Variants in CCDC159 observed in about 807,000 individuals in gnomAD.
CCDC159 encodes the protein coiled-coil domain-containing protein 159.
CCDC159 carries 40 observed loss-of-function variants against 50.9 expected under a neutral mutation model. The observed-to-expected ratio is 0.79, with a 90% confidence interval of 0.61 to 1.02. The LOEUF (loss-of-function observed/expected upper bound fraction) is 1.02, where lower values mean the gene tolerates loss of function less well. Among genes scored for constraint, CCDC159 ranks in the 50% least tolerant of loss-of-function variants. CCDC159 has a pLI of 0.00. For missense variants in CCDC159, 356 were observed against 371.5 expected (o/e 0.96, Z 0.34); for synonymous variants, 146 against 138.9 (o/e 1.05, Z -0.36).
intron 7 of CCDC159, chr19:11,352,607 TA>T (rs560594539): frequency 2.4e-3 from 328 of 136,496 alleles, no homozygotes; most frequent in Middle Eastern, 8.3e-3. Flanking sequence ...ACTCCCATCT[TA>T]AAAAAAAAAA....
chr19:11,347,092 T>C (rs1293212950), intron 1 of CCDC159, among the ~76,000 whole-genome samples: 1 of 151,736 alleles, frequency 6.6e-6, no homozygotes, highest in Non-Finnish European at 1.5e-5. Context: ...GCTGGAGAGT[T>C]TCCCTGCTTA....
Position 11,353,799 on chromosome 19 carries a change from G to A in CCDC159, c.697G>A (p.Val233Met). Reference protein sequence around the residue: ...QKELSDIWSAVHVLQNSIDSL... With the variant: ...QKELSDIWSAMHVLQNSIDSL... ...CTCCTTGTCTTCTTGCAGGTCTGCT[G>A]TGCACGTGCTGCAGAACTCCATAGA... Residue 233 changes from valine to methionine, a missense_variant, in exon 9 of 11, where the codon GTG (valine) becomes ATG (methionine). Coordinates refer to ENST00000458408, the MANE Select transcript of CCDC159 (RefSeq NM_001080503.3). 3.1e-6 allele frequency: 5 copies of A among 1,596,580 alleles called. No homozygotes were observed. The highest frequency in any genetic ancestry group is 2.7e-5 in the African/African-American group (2 of 74,656).
At chr19:11,351,639 A>C in intron 5 of CCDC159, 4 of 330,530 alleles carry the variant, frequency 1.2e-5, no homozygotes, top group Admixed American at 4.5e-5. Context: ...GACTGGGGGT[A>C]TAGAAAGTCG....
At chr19:11,348,974 T>C (rs755106927) in intron 1 of CCDC159, 1 of 1,342,154 alleles carries the variant, frequency 7.5e-7, no homozygotes, top group African/African-American at 1.5e-5. Context: ...AGGCTCTTCC[T>C]CGGACAAGGC....
In CCDC159 at chr19:11,350,690, TCAGCTGGGCCAGGCCAGG is replaced by T. The variant is rs1160384633; in HGVS notation, c.227-117_227-100del. On this transcript the variant is annotated intron_variant, in intron 4 of 10. Transcript: ENST00000458408. The stretch of plus-strand genomic sequence containing the variant: ...AGGCTGGAAGCTGGTCCTGTTGGGA[TCAGCTGGGCCAGGCCAGG>T]GTGAGGGAAATTGGGAGAGTCTGGG... 17 of 975,764 alleles carry T rather than the reference TCAGCTGGGCCAGGCCAGG, an allele frequency of 1.7e-5. No individual in the cohort carries two copies. In the East Asian group the frequency reaches 4.8e-4, roughly 28 times the overall value. 60.4% of individuals were successfully genotyped at this position (975,764 alleles called of 1,614,324 possible).
chr19:11,349,184 A>G (rs1967434440), intron 1 of CCDC159: 1 of 1,342,830 alleles, frequency 7.4e-7, no homozygotes, highest in African/African-American at 1.5e-5. Context: ...GAGGCATCAC[A>G]ACGTAGCTAA....
At chr19:11,348,740 C>T (rs1169079837) in intron 1 of CCDC159, 1 of 497,710 alleles carries the variant, frequency 2.0e-6, no homozygotes, top group Admixed American at 2.1e-5. Context: ...CCCTGCTTCC[C>T]TACTCACAGC....
chr19:11,349,072 C>T, intron 1 of CCDC159: 2 of 1,345,208 alleles, frequency 1.5e-6, no homozygotes, highest in Non-Finnish European at 2.0e-6. Context: ...GGACTGCAGA[C>T]TGCAGGCCAG....
intron 9 of CCDC159, 46 bp from the exon 10 acceptor site, chr19:11,354,534 G>A (rs763560777): frequency 1.3e-6 from 2 of 1,514,048 alleles, no homozygotes; most frequent in Admixed American, 2.1e-5. Flanking sequence ...GCCTATATTT[G>A]GGGGTTACTT....
At position 11,353,848 on chromosome 19, in the gene CCDC159, C is replaced by T. The variant is rs1466799184; in HGVS notation, c.746C>T (p.Ala249Val). The change falls in exon 9 of 11, where the codon GCC (alanine) becomes GTC (valine). Residue 249 changes from alanine to valine, a missense_variant. Ala to Val is a moderately conservative substitution (Grantham distance 64). Transcript: ENST00000458408. ...SIDSLTLCSGACPKASSLRGH... is the reference protein window; with the variant it reads ...SIDSLTLCSGVCPKASSLRGH... ...GACAGCCTCACTTTGTGCTCGGGGG[C>T]CTGTCCCAAGGCCTCGAGCCTAAGA... 6.3e-7 allele frequency: 1 copy of T among 1,589,508 alleles called. No homozygotes were observed. The highest frequency in any genetic ancestry group is 2.3e-5 in the East Asian group (1 of 43,712).
In CCDC159 at chr19:11,354,584, C is replaced by T. The variant is rs1488863364; in HGVS notation, c.777C>T (p.His259=). 1 of 1,584,000 alleles carries T rather than the reference C, an allele frequency of 6.3e-7. No individual in the cohort carries two copies. Among genetic ancestry groups the T allele is most frequent in the South Asian group, 1.2e-5 (1 of 86,810 alleles). ...ACPKASSLRG[H]KGHQCLSPPL... ...GGGAACCTGTCCCTCCTGCAGGCCACAAGGGGCACCAGTGCCTGAGCCCTC... is the reference window on the plus strand; with the variant it reads ...GGGAACCTGTCCCTCCTGCAGGCCATAAGGGGCACCAGTGCCTGAGCCCTC... The change falls in exon 10 of 11, where the codon CAC becomes CAT. Residue 259 remains histidine, a synonymous_variant. Coordinates refer to ENST00000458408, the MANE Select transcript of CCDC159 (RefSeq NM_001080503.3).
chr19:11,349,182 A>G (rs1779948376), intron 1 of CCDC159: 1 of 1,344,082 alleles, frequency 7.4e-7, no homozygotes, highest in African/African-American at 1.5e-5. Context: ...AAGAGGCATC[A>G]CAACGTAGCT....
Position 11,350,116 on chromosome 19 carries a change from A to G in CCDC159, c.145-2A>G. On this transcript the variant is annotated splice_acceptor_variant, in intron 3 of 10. Coordinates refer to ENST00000458408, the MANE Select transcript of CCDC159 (RefSeq NM_001080503.3). LOFTEE classifies it high-confidence loss of function. ...ACCCCAAGGCTGACCTCTTTCCCCC[A>G]GGCTTTCGAGTTCCTGAACCACTCA... The G allele has an allele frequency of 6.2e-7, 1 of 1,612,946 alleles. No individual in the cohort carries two copies.
chr19:11,349,975 C>G lies in CCDC159; in HGVS notation c.93C>G (p.Leu31=), dbSNP rs748203778. Residue 31 remains leucine (L), a synonymous_variant, in exon 3 of 11, where the codon CTC becomes CTG. Coordinates refer to ENST00000458408, the MANE Select transcript of CCDC159 (RefSeq NM_001080503.3). ...TIVMIPDSQK[L]LRCELESLKS... ...TGATGATTCCCGACTCCCAGAAGCT[C>G]CTGCGATGTGAACTTGAGTCACTCA... The G allele has an allele frequency of 4.3e-6, 7 of 1,613,766 alleles. No individual in the cohort carries two copies. Among genetic ancestry groups the G allele is most frequent in the Non-Finnish European group, 5.1e-6 (6 of 1,179,860 alleles).
intron 1 of CCDC159, among the ~76,000 whole-genome samples, chr19:11,347,154 T>C (rs1018206613): frequency 6.6e-6 from 1 of 151,826 alleles, no homozygotes; most frequent in Middle Eastern, 3.2e-3. Context: ...AGGCAGTGAC[T>C]CTCGGAGGGG....
At chr19:11,347,809 C>T (rs1967341366) in intron 1 of CCDC159, among the ~76,000 whole-genome samples, 2 of 152,232 alleles carry the variant, frequency 1.3e-5, no homozygotes, top group Non-Finnish European at 2.9e-5. Context: ...ATATCTCCAT[C>T]TGTGCCATAT....
At chr19:11,352,972 C>CAA (rs922891723) in intron 7 of CCDC159, among the ~76,000 whole-genome samples, 2 of 150,412 alleles carry the variant, frequency 1.3e-5, no homozygotes, top group Non-Finnish European at 3.0e-5. Flanking sequence ...AAAAACAAAA[C>CAA]AAAAAAAAAC....
Position 11,353,391 on chromosome 19 carries a change from C to T in CCDC159, c.568-60C>T, listed in dbSNP as rs953614047. 4.1e-5 allele frequency: 62 copies of T among 1,510,050 alleles called. 1 individual carries two copies. In the South Asian group the frequency reaches 6.7e-4, roughly 16 times the overall value. 93.5% of individuals were successfully genotyped at this position (1,510,050 alleles called of 1,614,324 possible). A position where few individuals can be genotyped will look rare whatever the true frequency, so the allele number is the denominator to read the frequency against. On this transcript the variant is annotated intron_variant, in intron 7 of 10. Coordinates refer to ENST00000458408, the MANE Select transcript of CCDC159 (RefSeq NM_001080503.3). The stretch of plus-strand genomic sequence containing the variant: ...CTGGGATTACAGGTGTGAGCCACCG[C>T]GCCTGGCACTATTGTCATTATTATT...
chr19:11,351,274 T>C (rs1967559308), intron 5 of CCDC159: 2 of 378,608 alleles, frequency 5.3e-6, no homozygotes, highest in East Asian at 1.1e-4. Flanking sequence ...CCATCTCTAC[T>C]AAAAATACAA....
Sources: allele counts gnomAD v4.1 joint callset (sites outside exome capture counted in the v4.1 genomes callset), GRCh38; gene constraint gnomAD v4.1.1; transcripts MANE v1.5; gene names NCBI Gene and HGNC (gene_info 2026-07-23, HGNC 2026-07-21).